The following CNOT4 variants were observed in gnomAD, a reference collection of about 807,000 sequenced individuals.
CNOT4 encodes the protein CCR4-NOT transcription complex subunit 4, also known as CCR4-associated factor 4.
Under a neutral mutation model 73.8 loss-of-function variants are expected in CNOT4, and 8 were observed. The ratio of observed to expected loss-of-function variants is 0.11; its 90% CI spans 0.06 to 0.20. The LOEUF is 0.20. Among genes scored for constraint, CNOT4 ranks in the 10% least tolerant of loss-of-function variants. CNOT4 has a pLI of 1.00. For missense variants in CNOT4, 564 were observed against 883.4 expected (o/e 0.64, Z 4.58); for synonymous variants, 293 against 321.1 (o/e 0.91, Z 0.94).
chr7:135,455,120 AAAG>A (rs1380748468), intron 1 of CNOT4, among the ~76,000 whole-genome samples: 2 of 151,996 alleles, frequency 1.3e-5, no homozygotes, highest in African/African-American at 4.8e-5. Flanking sequence ...GAAGAGAAAG[AAAG>A]AATAGCCAGG....
rs1424643631 is a variant in CNOT4 at position 135,438,335 on chromosome 7, CA to C, written c.-5del. 6.3e-7 allele frequency: 1 copy of C among 1,585,340 alleles called. No individual in the cohort carries two copies. Among genetic ancestry groups the C allele is most frequent in the Non-Finnish European group, 8.6e-7 (1 of 1,166,276 alleles). On this transcript the variant is annotated 5_prime_UTR_variant, in exon 2 of 12. Transcript: ENST00000541284. ...TCGCATCAGGACTGCGAGACATCTT[CA>C]CGTTTATTAAACAGCAGCAAAAGTT...
intron 1 of CNOT4, among the ~76,000 whole-genome samples, chr7:135,505,597 T>C (rs1181571605): frequency 6.6e-6 from 1 of 152,144 alleles, no homozygotes; most frequent in Non-Finnish European, 1.5e-5. Flanking sequence ...AATAAACCTG[T>C]TAAGATGAAA....
chr7:135,383,129 C>T (rs1432602532), intron 10 of CNOT4, among the ~76,000 whole-genome samples: 1 of 152,066 alleles, frequency 6.6e-6, no homozygotes, highest in Non-Finnish European at 1.5e-5. Flanking sequence ...TTCACCAGTA[C>T]CTTAATTCTT....
At chr7:135,436,073 T>C (rs1290097045) in intron 2 of CNOT4, among the ~76,000 whole-genome samples, 1 of 152,122 alleles carries the variant, frequency 6.6e-6, no homozygotes, top group East Asian at 1.9e-4. Context: ...CTCCTTGAAA[T>C]TGATTCCAAT....
At chr7:135,489,427 G>A (rs953863550) in intron 1 of CNOT4, among the ~76,000 whole-genome samples, 2 of 117,562 alleles carry the variant, frequency 1.7e-5, no homozygotes, top group African/African-American at 3.4e-5. Context: ...AGACAGTCTC[G>A]CTCTGTCCCC....
chr7:135,419,333 T>G (rs1009827177), intron 3 of CNOT4, among the ~76,000 whole-genome samples: 14 of 152,200 alleles, frequency 9.2e-5, no homozygotes, highest in Non-Finnish European at 1.9e-4. Flanking sequence ...GGATCCTTCT[T>G]TGACTTGAAA....
chr7:135,371,166 C>T (rs562422693), intron 10 of CNOT4, among the ~76,000 whole-genome samples: 1 of 152,276 alleles, frequency 6.6e-6, no homozygotes, highest in East Asian at 1.9e-4. Flanking sequence ...TGAGTAGGCA[C>T]TGTAGTTTAA....
chr7:135,422,952 A>G (rs1191713124), intron 2 of CNOT4, among the ~76,000 whole-genome samples: 3 of 152,088 alleles, frequency 2.0e-5, no homozygotes, highest in African/African-American at 7.2e-5. Context: ...GGCTCTGGAG[A>G]CAGAATGCTG....
At chr7:135,459,558 G>A (rs1585677397) in intron 1 of CNOT4, among the ~76,000 whole-genome samples, 1 of 152,252 alleles carries the variant, frequency 6.6e-6, no homozygotes, top group East Asian at 1.9e-4. Flanking sequence ...TCATCTGTCA[G>A]TATCCTTGGA....
At chr7:135,430,485 A>AT in intron 2 of CNOT4, among the ~76,000 whole-genome samples, 1 of 152,022 alleles carries the variant, frequency 6.6e-6, no homozygotes, top group Non-Finnish European at 1.5e-5. Flanking sequence ...AAGACAAAAA[A>AT]TTTTTTTTAA....
chr7:135,433,587 A>G lies in CNOT4; in HGVS notation c.174+4571T>C, dbSNP rs563637675. Among the ~76,000 whole-genome samples the G allele has an allele frequency of 1.0e-3, 151 of 151,688 alleles. 1 individual carries two copies. Among genetic ancestry groups the G allele is most frequent in the African/African-American group, 3.5e-3 (144 of 41,392 alleles). ...TACCCAGGCTGGTCTCAAACTCCTA[A>G]CCTCAAACAATCCTCCCACCTCAGC... On this transcript the variant is annotated intron_variant, in intron 2 of 11. Coordinates refer to ENST00000541284, the MANE Select transcript of CNOT4 (RefSeq NM_001190850.2).
chr7:135,452,947 C>G (rs1221895100), intron 1 of CNOT4, among the ~76,000 whole-genome samples: 1 of 152,128 alleles, frequency 6.6e-6, no homozygotes, highest in Non-Finnish European at 1.5e-5. Flanking sequence ...TAATTCTCTA[C>G]CACACTTGTG....
intron 1 of CNOT4, among the ~76,000 whole-genome samples, chr7:135,441,311 AAAATT>A (rs1192017978): frequency 3.2e-4 from 48 of 152,230 alleles, no homozygotes; most frequent in African/African-American, 1.1e-3. Flanking sequence ...TTCCTTTAGA[AAAATT>A]AAATTACTTC....
At chr7:135,398,802 T>G (rs191782106) in intron 7 of CNOT4, among the ~76,000 whole-genome samples, 58 of 152,204 alleles carry the variant, frequency 3.8e-4, no homozygotes, top group African/African-American at 1.3e-3. Context: ...ATTCCCCATT[T>G]CAGTTTTTGA....
Position 135,370,587 on chromosome 7 carries a change from C to T in CNOT4, c.1628-6521G>A, listed in dbSNP as rs560228929. 1.2e-4 allele frequency among the ~76,000 whole-genome samples: 19 copies of T among 152,306 alleles called. No homozygotes were observed. The South Asian group carries it at 2.7e-3, about 22-fold the overall frequency. On this transcript the variant is annotated intron_variant, in intron 10 of 11. Coordinates refer to ENST00000541284, the MANE Select transcript of CNOT4 (RefSeq NM_001190850.2). ...ACTCATACTTCACCTCTCACAACTC[C>T]GCTGAAAAGCCTGATGGGGACATCC... is the stretch of plus-strand genomic sequence containing the variant.
chr7:135,410,647 G>C lies in CNOT4; in HGVS notation c.689C>G (p.Ala230Gly). 6.3e-7 allele frequency: 1 copy of C among 1,575,858 alleles called. No individual in the cohort carries two copies. Among genetic ancestry groups the C allele is most frequent in the Non-Finnish European group, 8.6e-7 (1 of 1,164,428 alleles). ...AASFTKEEMQ[A>G]GKHQEYEQKL... ...CTGTTCATATTCTTGGTGTTTACCC[G>C]CCTAACGAAAGAAGAAATTAAAACT... The change falls in exon 7 of 12, where the codon GCG becomes GGG. Residue 230 changes from alanine (A) to glycine (G), a missense_variant and splice_region_variant. Ala to Gly is a moderately conservative substitution (Grantham distance 60). Around this residue, in one of 10 missense-constraint regions of CNOT4, gnomAD observed 14 missense variants for 69.5 expected, o/e 0.20. Transcript: ENST00000541284.
intron 1 of CNOT4, among the ~76,000 whole-genome samples, chr7:135,499,497 T>C (rs1418122721): frequency 6.6e-6 from 1 of 151,854 alleles, no homozygotes; most frequent in Non-Finnish European, 1.5e-5. Context: ...AAAAAAAACA[T>C]AAACTATTAA....
rs1794678690 is a variant in CNOT4, at chr7:135,362,150, G to T, written c.*735C>A. 1 of 152,694 alleles carries T rather than the reference G, an allele frequency of 6.5e-6. No homozygotes were observed. The highest frequency in any genetic ancestry group is 1.5e-5 in the Non-Finnish European group (1 of 68,490). 9.5% of individuals were successfully genotyped at this position (152,694 alleles called of 1,614,324 possible). ...TATTATTAATAGGTATTAAATCTGT[G>T]AATACTTTTTTCTTTAAAACATTTC... On this transcript the variant is annotated 3_prime_UTR_variant, in exon 12 of 12. Coordinates refer to ENST00000541284, the MANE Select transcript of CNOT4 (RefSeq NM_001190850.2).
rs758415452 is a variant in CNOT4, at chr7:135,422,196, A to C, written c.332T>G (p.Val111Gly). 1 of 1,612,374 alleles carries C rather than the reference A, an allele frequency of 6.2e-7. No homozygotes were observed. The highest frequency in any genetic ancestry group is 8.5e-7 in the Non-Finnish European group (1 of 1,178,500). Residue 111 changes from valine (V) to glycine (G), a missense_variant, in exon 3 of 12, where the codon GTC becomes GGC. Val to Gly is a moderately radical substitution (Grantham distance 109). Around this residue, in one of 10 missense-constraint regions of CNOT4, gnomAD observed 76 missense variants for 208.7 expected, o/e 0.36. Transcript: ENST00000541284. ...GCGCTGAGATAAACCTACAACAAAG[A>C]CGAGGTTTTTTTGTACGACACGTAC... is the stretch of plus-strand genomic sequence containing the variant. ...ASVRVVQKNL[V>G]FVVGLSQRLA...
Sources: allele counts gnomAD v4.1 joint callset (sites outside exome capture counted in the v4.1 genomes callset), GRCh38; gene constraint gnomAD v4.1.1; regional missense constraint gnomAD v4.1.1; transcripts MANE v1.5; gene names NCBI Gene and HGNC (gene_info 2026-07-23, HGNC 2026-07-21).